Variants in GPC6 observed in about 807,000 individuals in gnomAD.
GPC6 encodes glypican 6.
Under a neutral mutation model 55.2 loss-of-function variants are expected in GPC6, and 14 were observed. The ratio of observed to expected loss-of-function variants is 0.25; its 90% confidence interval spans 0.17 to 0.40. GPC6 has a LOEUF of 0.40. GPC6 is among the 10% of genes least tolerant of loss of function. GPC6 has a pLI of 1.00. For missense variants in GPC6, 641 were observed against 708.5 expected (o/e 0.90, Z 1.08); for synonymous variants, 278 against 259.6 (o/e 1.07, Z -0.68).
chr13:93,558,715 TGTGGA>T (rs1875604635), intron 2 of GPC6, among the ~76,000 whole-genome samples: 1 of 152,198 alleles, frequency 6.6e-6, no homozygotes, highest in Non-Finnish European at 1.5e-5. Context: ...TTGAATTGAC[TGTGGA>T]GTTTGAAGTT....
chr13:93,525,693 G>T (rs1220348611), intron 1 of GPC6, among the ~76,000 whole-genome samples: 2 of 152,078 alleles, frequency 1.3e-5, no homozygotes, highest in African/African-American at 2.4e-5. Context: ...TGATGGTTGA[G>T]CTTGAGGTCA....
chr13:94,380,154 G>A (rs773675971), intron 6 of GPC6, among the ~76,000 whole-genome samples: 9 of 152,112 alleles, frequency 5.9e-5, no homozygotes, highest in African/African-American at 1.7e-4. Context: ...CGTGGAGGTA[G>A]GATTGTAGTA....
chr13:94,106,694 A>C (rs1886066010), intron 4 of GPC6, among the ~76,000 whole-genome samples: 1 of 152,120 alleles, frequency 6.6e-6, no homozygotes, highest in East Asian at 1.9e-4. Context: ...GGGATAGGTA[A>C]ATGAATGGAA....
At chr13:94,011,432 C>A (rs977630350) in intron 3 of GPC6, among the ~76,000 whole-genome samples, 1 of 152,018 alleles carries the variant, frequency 6.6e-6, no homozygotes, top group Non-Finnish European at 1.5e-5. Flanking sequence ...AACCTTCTAC[C>A]CCATGATTTA....
At chr13:93,892,863 G>C (rs368357033) in intron 3 of GPC6, among the ~76,000 whole-genome samples, 1 of 152,028 alleles carries the variant, frequency 6.6e-6, no homozygotes, top group Non-Finnish European at 1.5e-5. Flanking sequence ...AGCCTCCCCA[G>C]CACTCTCATA....
At chr13:94,162,705 C>A (rs1398387539) in intron 4 of GPC6, among the ~76,000 whole-genome samples, 1 of 152,084 alleles carries the variant, frequency 6.6e-6, no homozygotes, top group Admixed American at 6.6e-5. Flanking sequence ...GAATTTGGGT[C>A]AAATTTTTTT....
chr13:93,545,496 T>G, intron 2 of GPC6, 75 bp downstream of exon 2: 5 of 1,280,758 alleles, frequency 3.9e-6, no homozygotes, highest in Non-Finnish European at 5.7e-6. Flanking sequence ...ATATGAAAAA[T>G]ATTTTTTTAA....
At chr13:94,120,143 T>C (rs1469400639) in intron 4 of GPC6, among the ~76,000 whole-genome samples, 2 of 152,104 alleles carry the variant, frequency 1.3e-5, no homozygotes, top group Non-Finnish European at 2.9e-5. Context: ...TCTCTTGAGC[T>C]GGTATGAGCT....
chr13:93,433,806 A>G (rs2139278125), intron 1 of GPC6, among the ~76,000 whole-genome samples: 1 of 152,214 alleles, frequency 6.6e-6, no homozygotes, highest in African/African-American at 2.4e-5. Context: ...TGCCTTACCA[A>G]TACATAGCAG....
chr13:93,515,718 T>C (rs902419275), intron 1 of GPC6, among the ~76,000 whole-genome samples: 5 of 152,204 alleles, frequency 3.3e-5, no homozygotes, highest in Non-Finnish European at 7.3e-5. Context: ...TACTGACTAG[T>C]GACGTATCAT....
intron 3 of GPC6, among the ~76,000 whole-genome samples, chr13:93,999,491 C>T (rs775642423): frequency 7.2e-5 from 11 of 152,140 alleles, no homozygotes; most frequent in Non-Finnish European, 1.5e-4. Flanking sequence ...AATAAACATA[C>T]GTGTGCACAT....
intron 2 of GPC6, among the ~76,000 whole-genome samples, chr13:93,705,259 G>C (rs1882810908): frequency 6.6e-6 from 1 of 151,922 alleles, no homozygotes; most frequent in Admixed American, 6.6e-5. Flanking sequence ...GTCTCGATAA[G>C]TGCTGCCAAA....
At chr13:93,807,069 G>T (rs188487568) in intron 2 of GPC6, among the ~76,000 whole-genome samples, 3 of 152,124 alleles carry the variant, frequency 2.0e-5, no homozygotes, top group Non-Finnish European at 4.4e-5. Context: ...CTGACTGGGG[G>T]CCTCACTTTT....
intron 2 of GPC6, among the ~76,000 whole-genome samples, chr13:93,573,089 G>T (rs374006007): frequency 1.3e-5 from 2 of 151,950 alleles, no homozygotes; most frequent in East Asian, 3.9e-4. Context: ...TCTATTGAGT[G>T]CATATTGTAT....
chr13:93,504,921 T>G (rs1333633867), intron 1 of GPC6, among the ~76,000 whole-genome samples: 1 of 152,156 alleles, frequency 6.6e-6, no homozygotes, highest in African/African-American at 2.4e-5. Context: ...GTCAAAGTTA[T>G]GTCTAACCCT....
At chr13:94,141,163 G>A (rs919274271) in intron 4 of GPC6, among the ~76,000 whole-genome samples, 11 of 152,050 alleles carry the variant, frequency 7.2e-5, no homozygotes, top group African/African-American at 2.7e-4. Flanking sequence ...AGGCGTGCAG[G>A]CAAAGATATA....
At chr13:93,997,405 T>C (rs2140421069) in intron 3 of GPC6, among the ~76,000 whole-genome samples, 2 of 152,262 alleles carry the variant, frequency 1.3e-5, no homozygotes, top group South Asian at 4.1e-4. Flanking sequence ...TGCATCGACT[T>C]TACCCAATTA....
chr13:94,310,485 A>G (rs1216352183), intron 6 of GPC6, among the ~76,000 whole-genome samples: 1 of 152,160 alleles, frequency 6.6e-6, no homozygotes, highest in African/African-American at 2.4e-5. Context: ...TATTATGTAT[A>G]GAATAATCTC....
At chr13:94,264,442 T>A (rs1297327772) in intron 4 of GPC6, among the ~76,000 whole-genome samples, 3 of 152,228 alleles carry the variant, frequency 2.0e-5, no homozygotes, top group Non-Finnish European at 2.9e-5. Context: ...ATCTATGCAT[T>A]TGCTATGCAC....
Sources: gnomAD v4.1 joint callset for allele counts (sites outside exome capture counted in the v4.1 genomes callset) on GRCh38, gnomAD v4.1.1 for gene constraint, MANE v1.5 for transcripts, NCBI Gene and HGNC (gene_info 2026-07-23, HGNC 2026-07-21) for gene names.